DAB2: variants seen among roughly 807,000 people sequenced by gnomAD.
DAB2 encodes disabled homolog 2.
Under a neutral mutation model 71.6 loss-of-function variants are expected in DAB2, and 28 were observed. That is an observed-to-expected ratio of 0.39 (90% CI 0.29 to 0.54). DAB2 has a LOEUF of 0.54. Among genes scored for constraint, DAB2 ranks in the 20% least tolerant of loss-of-function variants. DAB2 has a pLI of 0.68. For missense variants in DAB2, 867 were observed against 928.8 expected (o/e 0.93, Z 0.86); for synonymous variants, 345 against 339.7 (o/e 1.02, Z -0.17).
intron 1 of DAB2, among the ~76,000 whole-genome samples, chr5:39,418,507 C>T (rs73080532): frequency 1.0e-3 from 153 of 152,204 alleles, no homozygotes; most frequent in African/African-American, 3.5e-3. Context: ...AATATGGACA[C>T]AATTAGGGAT....
intron 1 of DAB2, among the ~76,000 whole-genome samples, chr5:39,413,201 A>G (rs1186346913): frequency 6.6e-6 from 1 of 152,136 alleles, no homozygotes; most frequent in Non-Finnish European, 1.5e-5. Context: ...GAGTGATTCA[A>G]CATTGCCGGT....
At chr5:39,379,976 G>A (rs1417214289) in intron 11 of DAB2, among the ~76,000 whole-genome samples, 1 of 152,240 alleles carries the variant, frequency 6.6e-6, no homozygotes, top group African/African-American at 2.4e-5. Flanking sequence ...GGGTCCAGCT[G>A]TATTTTCAGG....
At chr5:39,374,825 G>A (rs1754782102) in intron 14 of DAB2, 189 bp downstream of exon 14, 1 of 563,820 alleles carries the variant, frequency 1.8e-6, no homozygotes, top group African/African-American at 2.0e-5. Context: ...ATGTGTTTAG[G>A]AATTCTATTC....
chr5:39,408,479 A>T (rs1755652802), intron 1 of DAB2: 1 of 152,240 alleles, frequency 6.6e-6, no homozygotes, highest in African/African-American at 2.4e-5. Flanking sequence ...ATCCACAACC[A>T]ACATGGCAGT....
In DAB2 at chr5:39,422,941, G is replaced by C. The variant is rs551109074; in HGVS notation, c.-102+1863C>G. Among the ~76,000 whole-genome samples, 3 of 152,294 alleles carry C rather than the reference G, an allele frequency of 2.0e-5. No individual in the cohort carries two copies. Among genetic ancestry groups the C allele is most frequent in the Non-Finnish European group, 4.4e-5 (3 of 68,024 alleles). On this transcript the variant is annotated intron_variant, in intron 1 of 14. Coordinates refer to ENST00000320816, the MANE Select transcript of DAB2 (RefSeq NM_001343.4). This position sits in a 1 kb window ranked among gnomAD's most constrained non-coding sequence, Gnocchi z 4.1. ...GCCCTTCACAAATTAGACAAGGTTT[G>C]TAACAAGTGCTTTCTTCCCTCACTT...
At chr5:39,381,187 A>G (rs1224022266) in intron 11 of DAB2, among the ~76,000 whole-genome samples, 1 of 152,204 alleles carries the variant, frequency 6.6e-6, no homozygotes, top group Non-Finnish European at 1.5e-5. Flanking sequence ...ATTGTCTTTC[A>G]GGAAACCATG....
chr5:39,388,960 A>G, intron 7 of DAB2, 108 bp from the exon 8 acceptor site: 1 of 1,303,040 alleles, frequency 7.7e-7, no homozygotes, highest in Non-Finnish European at 1.1e-6. Context: ...TCATCTTTTA[A>G]CTAAACATCT....
At chr5:39,382,448 G>A (rs1755000182) in intron 10 of DAB2, among the ~76,000 whole-genome samples, 170 bp downstream of exon 10, 1 of 152,202 alleles carries the variant, frequency 6.6e-6, no homozygotes, top group Non-Finnish European at 1.5e-5. Context: ...GCTTAAAAAC[G>A]GTGGCAGTTA....
At chr5:39,394,528 C>T (rs1473677471) in intron 1 of DAB2, 107 bp from the exon 2 acceptor site, 3 of 561,894 alleles carry the variant, frequency 5.3e-6, no homozygotes, top group East Asian at 5.8e-5. Flanking sequence ...TCTTTGGACT[C>T]ATTTTGTTCC....
chr5:39,412,277 C>A (rs566928219), intron 1 of DAB2, among the ~76,000 whole-genome samples: 6 of 152,134 alleles, frequency 3.9e-5, no homozygotes, highest in Admixed American at 1.3e-4. Context: ...CCTGCAGACA[C>A]TGACAGCCTT....
chr5:39,408,264 T>C (rs867618327), intron 1 of DAB2: 1 of 152,234 alleles, frequency 6.6e-6, no homozygotes, highest in East Asian at 1.9e-4. Flanking sequence ...AGCAAAACCA[T>C]GAAAACACTT....
In DAB2 at chr5:39,381,464, C is replaced by G. The variant is rs140232351; in HGVS notation, c.1494G>C (p.Leu498=). Residue 498 remains leucine (L), a synonymous_variant, in exon 11 of 15, where the codon CTG becomes CTC. Transcript: ENST00000320816. The stretch of plus-strand genomic sequence containing the variant: ...TCTCTAGGCACCTACCTAGACCCAC[C>G]AGGGGCCCCACTGGGGCAGGAGCAC... ...KTSAPAPVGP[L]VGLGGVTVTL... The G allele has an allele frequency of 2.5e-6, 4 of 1,613,862 alleles. No individual in the cohort carries two copies. Among genetic ancestry groups the G allele is most frequent in the African/African-American group, 2.7e-5 (2 of 75,020 alleles).
At chr5:39,414,133 G>A (rs1755794901) in intron 1 of DAB2, among the ~76,000 whole-genome samples, 1 of 152,160 alleles carries the variant, frequency 6.6e-6, no homozygotes, top group African/African-American at 2.4e-5. Flanking sequence ...AAGTTGGTCA[G>A]TGGATGGCCT....
At chr5:39,379,827 A>T (rs1405643402) in intron 11 of DAB2, among the ~76,000 whole-genome samples, 1 of 151,592 alleles carries the variant, frequency 6.6e-6, no homozygotes, top group East Asian at 1.9e-4. Flanking sequence ...GTGGACAGGG[A>T]CTATACTGTA....
intron 1 of DAB2, among the ~76,000 whole-genome samples, chr5:39,419,467 T>C (rs757865965): frequency 3.3e-5 from 5 of 152,206 alleles, no homozygotes; most frequent in Non-Finnish European, 5.9e-5. Flanking sequence ...AGAGATATCT[T>C]TTCTATTTCA....
chr5:39,400,454 G>C (rs776586287), intron 1 of DAB2, among the ~76,000 whole-genome samples: 10 of 151,986 alleles, frequency 6.6e-5, no homozygotes, highest in African/African-American at 2.4e-4. Context: ...GGCTGGTCTC[G>C]AGCTCCTGAC....
intron 3 of DAB2, 138 bp from the exon 4 acceptor site, chr5:39,392,601 C>A: frequency 1.5e-6 from 1 of 649,488 alleles, no homozygotes. Context: ...CACTTTTCAT[C>A]CGGGACAGCA....
chr5:39,403,390 C>T (rs62358450), intron 1 of DAB2, among the ~76,000 whole-genome samples: 1 of 152,156 alleles, frequency 6.6e-6, no homozygotes, highest in Non-Finnish European at 1.5e-5. Flanking sequence ...AAGCCCATTA[C>T]ATGGGGACTG....
intron 9 of DAB2, among the ~76,000 whole-genome samples, chr5:39,386,881 A>G (rs917000368): frequency 1.3e-5 from 2 of 152,204 alleles, no homozygotes; most frequent in African/African-American, 4.8e-5. Flanking sequence ...TTGACTACAA[A>G]TCAAAAGGAC....
Sources: gnomAD v4.1 joint callset for allele counts (sites outside exome capture counted in the v4.1 genomes callset) on GRCh38, gnomAD v4.1.1 for gene constraint, Gnocchi (gnomAD v3.1) non-coding constraint, MANE v1.5 for transcripts, NCBI Gene and HGNC (gene_info 2026-07-23, HGNC 2026-07-21) for gene names.